PDE1C: variants seen among roughly 807,000 people sequenced by gnomAD.
The protein encoded by PDE1C is phosphodiesterase 1C, also known as dual specificity calcium/calmodulin-dependent 3',5'-cyclic nucleotide phosphodiesterase 1C.
PDE1C carries 62 observed loss-of-function variants against 93.1 expected under a neutral mutation model. The ratio of observed to expected loss-of-function variants is 0.67; its 90% CI spans 0.54 to 0.82. PDE1C has a LOEUF of 0.82. Among genes scored for constraint, PDE1C ranks in the 40% least tolerant of loss-of-function variants. The pLI, the probability that PDE1C is intolerant of heterozygous loss-of-function variation, is 0.00. For synonymous variants in PDE1C, 325 were observed against 310.1 expected (o/e 1.05, Z -0.50); for missense variants, 742 against 884.6 (o/e 0.84, Z 2.04).
intron 2 of PDE1C, among the ~76,000 whole-genome samples, chr7:32,027,842 C>T (rs1317746445): frequency 1.3e-5 from 2 of 151,472 alleles, no homozygotes; most frequent in African/African-American, 2.4e-5. Context: ...GCAACAACAA[C>T]AAAAAAATCT....
chr7:31,678,090 C>T, the PDE1C span, among the ~76,000 whole-genome samples: 12 of 152,098 alleles, frequency 7.9e-5, no homozygotes, highest in African/African-American at 2.9e-4. Context: ...TAACGCTCTA[C>T]GAGTAAGACT....
intron 1 of PDE1C, among the ~76,000 whole-genome samples, chr7:32,284,009 C>T (rs1247653285): frequency 1.3e-5 from 2 of 152,128 alleles, no homozygotes; most frequent in African/African-American, 2.4e-5. Context: ...ATCCCGAGGA[C>T]ATTTATTAAC....
At chr7:32,205,321 A>G (rs1805351398) in intron 2 of PDE1C, among the ~76,000 whole-genome samples, 1 of 152,246 alleles carries the variant, frequency 6.6e-6, no homozygotes, top group Non-Finnish European at 1.5e-5. Flanking sequence ...CAACTTGGAA[A>G]TAAGCTCTAG....
intron 15 of PDE1C, among the ~76,000 whole-genome samples, chr7:31,812,463 A>T (rs1037852492): frequency 6.6e-6 from 1 of 152,144 alleles, no homozygotes; most frequent in Non-Finnish European, 1.5e-5. Context: ...ACTATGGCCC[A>T]TGGGTCAAAC....
the PDE1C span, among the ~76,000 whole-genome samples, chr7:31,625,450 T>G: frequency 5.3e-5 from 8 of 152,182 alleles, no homozygotes; most frequent in East Asian, 1.9e-4. Flanking sequence ...CCATAAAAAA[T>G]GATGAGTTCA....
upstream of PDE1C, chr7:32,070,642 G>A (rs1795941276): frequency 2.9e-6 from 4 of 1,387,436 alleles, no homozygotes; most frequent in East Asian, 2.8e-5. Flanking sequence ...TAATGCCCAG[G>A]GATAAGCACA....
rs76173681 is a variant in PDE1C at position 31,935,417 on chromosome 7, A to G, written c.129-54557T>C. On this transcript the variant is annotated intron_variant, in intron 2 of 17. Transcript: ENST00000396191. ...CTCCCTCCTATTGACTTCAGGGCAC[A>G]AGTTCATCCTTCTCTAACTCTTGCT... Among the ~76,000 whole-genome samples the G allele has an allele frequency of 5.4e-3, 816 of 152,222 alleles. 8 individuals carry two copies. The highest frequency in any genetic ancestry group is 0.018 in the African/African-American group (757 of 41,530).
chr7:32,299,128 GT>G (rs1303407604), exon 1 of PDE1C: 10 of 1,021,728 alleles, frequency 9.8e-6, no homozygotes, highest in Non-Finnish European at 1.2e-5. Context: ...AGGAAAGTCT[GT>G]TTTCTACTTC....
intron 8 of PDE1C, among the ~76,000 whole-genome samples, chr7:31,850,121 C>G (rs555431568): frequency 5.9e-4 from 89 of 152,136 alleles, no homozygotes; most frequent in African/African-American, 2.1e-3. Context: ...CTACAGGAGA[C>G]AAACTTACTC....
chr7:31,894,013 T>C (rs1798963603), intron 2 of PDE1C, among the ~76,000 whole-genome samples: 3 of 152,200 alleles, frequency 2.0e-5, no homozygotes, highest in Admixed American at 1.3e-4. Context: ...TCATTGTGTG[T>C]AAAAAGAAGA....
chr7:31,661,476 C>A, the PDE1C span, among the ~76,000 whole-genome samples: 6 of 152,014 alleles, frequency 3.9e-5, no homozygotes, highest in African/African-American at 1.2e-4. Flanking sequence ...ACTTTGGGAG[C>A]CCCAGGTGGG....
the PDE1C span, among the ~76,000 whole-genome samples, chr7:31,625,502 C>T: frequency 6.6e-6 from 1 of 152,090 alleles, no homozygotes; most frequent in Non-Finnish European, 1.5e-5. Context: ...AATCATCATT[C>T]TCAATAAACT....
At chr7:32,300,733 G>T (rs59238577), upstream of PDE1C, among the ~76,000 whole-genome samples, 2 of 152,014 alleles carry the variant, frequency 1.3e-5, no homozygotes, top group East Asian at 3.9e-4. Context: ...CAAAAATAAC[G>T]TATTTTAGTT....
At chr7:31,817,144 G>A (rs1358174091) in intron 14 of PDE1C, among the ~76,000 whole-genome samples, 2 of 152,078 alleles carry the variant, frequency 1.3e-5, no homozygotes, top group African/African-American at 4.8e-5. Flanking sequence ...AGAAAACCAA[G>A]CAGAGTAATA....
upstream of PDE1C, among the ~76,000 whole-genome samples, chr7:32,302,463 C>T (rs146143430): frequency 2.0e-5 from 3 of 152,308 alleles, no homozygotes; most frequent in Admixed American, 6.5e-5. Flanking sequence ...GAGCTGAACT[C>T]ATTACCTACA....
At chr7:31,999,048 G>A (rs1417995775) in intron 2 of PDE1C, among the ~76,000 whole-genome samples, 2 of 152,158 alleles carry the variant, frequency 1.3e-5, no homozygotes, top group Non-Finnish European at 2.9e-5. Context: ...AACATTTTCA[G>A]AAACTCTTTC....
At chr7:32,020,072 T>TCAGG (rs1338705342) in intron 2 of PDE1C, among the ~76,000 whole-genome samples, 2 of 152,044 alleles carry the variant, frequency 1.3e-5, no homozygotes, top group Non-Finnish European at 2.9e-5. Context: ...CATGGGAAAC[T>TCAGG]CAGGCCATGG....
chr7:32,111,627 C>A (rs904752046), intron 3 of PDE1C, among the ~76,000 whole-genome samples: 14 of 152,076 alleles, frequency 9.2e-5, no homozygotes, highest in Non-Finnish European at 1.3e-4. Flanking sequence ...GAGATTCAGA[C>A]CAGGAGACCT....
rs145450157 is a variant in PDE1C at position 31,967,633 on chromosome 7, C to T, written c.128+83921G>A. The stretch of plus-strand genomic sequence containing the variant: ...TATGAGGCCAGCATCATCCTGATAC[C>T]AAAGCCTGGCAGAGACACAACAAAC... On this transcript the variant is annotated intron_variant, in intron 2 of 17. Transcript: ENST00000396191. Among the ~76,000 whole-genome samples, 1,228 of 152,194 alleles carry T rather than the reference C, an allele frequency of 8.1e-3. 20 individuals are homozygous for T. Among genetic ancestry groups the T allele is most frequent in the African/African-American group, 0.028 (1,178 of 41,496 alleles).
Sources: gnomAD v4.1 joint callset for allele counts (sites outside exome capture counted in the v4.1 genomes callset) on GRCh38, gnomAD v4.1.1 for gene constraint, MANE v1.5 for transcripts, NCBI Gene and HGNC (gene_info 2026-07-23, HGNC 2026-07-21) for gene names.